The following CCDC171 variants were observed in gnomAD, a reference collection of about 807,000 sequenced individuals.
The protein encoded by CCDC171 is coiled-coil domain-containing protein 171.
Under a neutral mutation model 168.2 loss-of-function variants are expected in CCDC171, and 177 were observed. That is an observed-to-expected ratio of 1.05 (90% CI 0.93 to 1.19). The LOEUF (loss-of-function observed/expected upper bound fraction) is 1.19. Among genes scored for constraint, CCDC171 ranks in the 50% most tolerant of loss-of-function variants. CCDC171 has a pLI of 0.00. For missense variants in CCDC171, 1,991 were observed against 1,539.0 expected, an observed-to-expected ratio of 1.29 and a Z score of -4.91; for synonymous variants, 687 against 540.8, an observed-to-expected ratio of 1.27 and a Z score of -3.75.
chr9:15,887,202 A>G (rs1478471158), intron 24 of CCDC171, among the ~76,000 whole-genome samples: 1 of 152,320 alleles, frequency 6.6e-6, no homozygotes, highest in East Asian at 1.9e-4. Context: ...AAGTATATAT[A>G]TATTAAATAA....
intron 11 of CCDC171, among the ~76,000 whole-genome samples, chr9:15,705,760 A>G (rs2052172698): frequency 6.6e-6 from 1 of 152,234 alleles, no homozygotes; most frequent in African/African-American, 2.4e-5. Context: ...CAGTTCCATG[A>G]GGATGAGAAT....
At chr9:15,847,488 A>G (rs2060949037) in intron 22 of CCDC171, among the ~76,000 whole-genome samples, 1 of 152,086 alleles carries the variant, frequency 6.6e-6, no homozygotes, top group Non-Finnish European at 1.5e-5. Context: ...TATGAAGTTC[A>G]CATTGAACAG....
chr9:15,683,426 T>G (rs181981801), intron 10 of CCDC171, among the ~76,000 whole-genome samples: 1 of 152,188 alleles, frequency 6.6e-6, no homozygotes, highest in Admixed American at 6.5e-5. Flanking sequence ...TAGGAGGTTT[T>G]CAAAACTAAT....
chr9:15,911,965 T>C (rs569598463), intron 24 of CCDC171, among the ~76,000 whole-genome samples: 101 of 152,352 alleles, frequency 6.6e-4, no homozygotes, highest in African/African-American at 2.3e-3. Context: ...GTGGTATAGT[T>C]TGAAGTCAGG....
intron 18 of CCDC171, among the ~76,000 whole-genome samples, chr9:15,752,722 TC>T (rs2055839764): frequency 6.6e-6 from 1 of 151,988 alleles, no homozygotes; most frequent in African/African-American, 2.4e-5. Context: ...GAGGAGAACA[TC>T]ACACACCAGG....
chr9:15,805,890 T>C (rs2059049661), intron 21 of CCDC171, among the ~76,000 whole-genome samples: 2 of 152,152 alleles, frequency 1.3e-5, no homozygotes, highest in Admixed American at 1.3e-4. Context: ...TCTGGGAGAC[T>C]AAGTCTCTTT....
chr9:15,634,183 CAAAA>C lies in CCDC171; in HGVS notation c.822+10771_822+10774del, dbSNP rs374826548. Among the ~76,000 whole-genome samples the C allele has an allele frequency of 6.9e-3, 1,035 of 150,876 alleles. 3 individuals carry two copies. Among genetic ancestry groups the C allele is most frequent in the Non-Finnish European group, 0.012 (790 of 67,400 alleles). Reference sequence around the variant, plus strand: ...TAAAACTTAAAGTATAATAATAAAACAAAAGAAAGCAGAACCCAAACACACAAAA... The same window carrying C: ...TAAAACTTAAAGTATAATAATAAAACGAAAGCAGAACCCAAACACACAAAA... On this transcript the variant is annotated intron_variant, in intron 7 of 25. Coordinates refer to ENST00000380701, the MANE Select transcript of CCDC171 (RefSeq NM_173550.4).
chr9:15,847,199 C>T (rs570352073), intron 22 of CCDC171, among the ~76,000 whole-genome samples: 1 of 151,928 alleles, frequency 6.6e-6, no homozygotes, highest in Non-Finnish European at 1.5e-5. Context: ...CTCTTCTGCT[C>T]CACTGTCTCC....
At chr9:15,780,272 C>G (rs1453512865) in intron 20 of CCDC171, among the ~76,000 whole-genome samples, 2 of 152,110 alleles carry the variant, frequency 1.3e-5, no homozygotes, top group Admixed American at 6.6e-5. Flanking sequence ...ATTTTTCCTT[C>G]TCTTAGTTTT....
At chr9:15,589,857 A>G (rs1272214679) in intron 4 of CCDC171, among the ~76,000 whole-genome samples, 1 of 152,200 alleles carries the variant, frequency 6.6e-6, no homozygotes, top group Non-Finnish European at 1.5e-5. Context: ...TTTGAGGACC[A>G]ATTTGAATAA....
chr9:15,941,433 T>C (rs1006358204), intron 25 of CCDC171, among the ~76,000 whole-genome samples: 3 of 151,890 alleles, frequency 2.0e-5, no homozygotes, highest in African/African-American at 7.2e-5. Context: ...ACCCATAATA[T>C]ACCATTGAAT....
Position 16,015,903 on chromosome 9 carries a change from G to A in CCDC171, n.369-4686G>A, listed in dbSNP as rs748824272. Among the ~76,000 whole-genome samples the A allele has an allele frequency of 1.1e-4, 17 of 152,236 alleles. 1 individual carries two copies. Among genetic ancestry groups the A allele is most frequent in the Middle Eastern group, 3.4e-3 (1 of 294 alleles). On this transcript the variant is annotated intron_variant and non_coding_transcript_variant, in intron 3 of 9. Coordinates refer to the CCDC171 transcript ENST00000486641. Reference sequence around the variant, plus strand: ...TTATGTCTGGCTTATTTCACTTAGCGTAATGTTTTCAAGGTTCATTCGTGT... The same window carrying A: ...TTATGTCTGGCTTATTTCACTTAGCATAATGTTTTCAAGGTTCATTCGTGT...
chr9:15,620,791 G>T (rs1022519200), intron 6 of CCDC171, among the ~76,000 whole-genome samples: 3 of 152,130 alleles, frequency 2.0e-5, no homozygotes, highest in Non-Finnish European at 2.9e-5. Context: ...AAACTTCTTT[G>T]TTGCCTTATT....
chr9:15,911,181 A>G (rs570048982), intron 24 of CCDC171, among the ~76,000 whole-genome samples: 2 of 152,218 alleles, frequency 1.3e-5, no homozygotes, highest in South Asian at 2.1e-4. Context: ...AAGTGTTCCT[A>G]TTTCTTCACA....
At chr9:15,641,990 C>A (rs913718760) in intron 7 of CCDC171, among the ~76,000 whole-genome samples, 1 of 151,930 alleles carries the variant, frequency 6.6e-6, no homozygotes, top group Non-Finnish European at 1.5e-5. Context: ...ATGGTGAAAC[C>A]CCATCTCTAC....
chr9:16,091,922 C>A, the CCDC171 span, among the ~76,000 whole-genome samples: 1 of 152,164 alleles, frequency 6.6e-6, no homozygotes, highest in Non-Finnish European at 1.5e-5. Context: ...AAAAAATGAA[C>A]AAAGACATAA....
At chr9:15,822,423 C>G (rs1416842239) in intron 21 of CCDC171, among the ~76,000 whole-genome samples, 1 of 151,736 alleles carries the variant, frequency 6.6e-6, no homozygotes, top group Non-Finnish European at 1.5e-5. Flanking sequence ...AAAATTTTTG[C>G]AACCTACTCA....
intron 24 of CCDC171, among the ~76,000 whole-genome samples, chr9:15,912,173 A>G (rs1170471597): frequency 2.6e-5 from 4 of 152,208 alleles, no homozygotes; most frequent in African/African-American, 9.6e-5. Context: ...GATTCTTCCT[A>G]TTCATGAGCA....
At chr9:15,778,872 G>T in intron 19 of CCDC171, 96 bp from the exon 20 acceptor site, 1 of 894,996 alleles carries the variant, frequency 1.1e-6, no homozygotes. Flanking sequence ...CTGGTTTTTG[G>T]ATAATCTAAG....
Sources: gnomAD v4.1 joint callset for allele counts (sites outside exome capture counted in the v4.1 genomes callset) on GRCh38, gnomAD v4.1.1 for gene constraint, MANE v1.5 for transcripts, NCBI Gene and HGNC (gene_info 2026-07-23, HGNC 2026-07-21) for gene names.